The following PCDHA1 variants were observed in gnomAD, a reference collection of about 807,000 sequenced individuals.
The protein encoded by PCDHA1 is protocadherin alpha-1.
PCDHA1 carries 42 observed loss-of-function variants against 61.3 expected under a neutral mutation model. That is an observed-to-expected ratio of 0.69 (90% confidence interval 0.54 to 0.89). PCDHA1 has a LOEUF of 0.89. PCDHA1 is among the 40% of genes least tolerant of loss of function. PCDHA1 has a pLI of 0.00. For synonymous variants in PCDHA1, 610 were observed against 553.8 expected (o/e 1.10, Z -1.43); for missense variants, 1,256 against 1,235.3 (o/e 1.02, Z -0.25).
At position 140,877,517 on chromosome 5, in the gene PCDHA1, C is replaced by T. The variant is rs782271327; in HGVS notation, c.2394+88833C>T. ...CAGGCCCCAAAGACGTCGTCGCGGG[C>T]CTCAGTGGGCGCTGTGGATCCCGAA... On this transcript the variant is annotated intron_variant, in intron 1 of 3. Coordinates refer to ENST00000504120, the MANE Select transcript of PCDHA1 (RefSeq NM_018900.4). 5.6e-6 allele frequency: 9 copies of T among 1,613,766 alleles called. No homozygotes were observed. Among genetic ancestry groups the T allele is most frequent in the Non-Finnish European group, 7.6e-6 (9 of 1,179,862 alleles).
chr5:140,909,397 G>C (rs564100527), intron 1 of PCDHA1, among the ~76,000 whole-genome samples: 1 of 152,320 alleles, frequency 6.6e-6, no homozygotes, highest in East Asian at 1.9e-4. Flanking sequence ...TACAGCAGCT[G>C]CAATTGCAGT....
At chr5:140,858,173 C>G (rs782491809) in intron 1 of PCDHA1, 1 of 1,597,720 alleles carries the variant, frequency 6.3e-7, no homozygotes, top group Admixed American at 1.7e-5. Context: ...GTCCAGCTTG[C>G]TGGTGCTCAC....
intron 1 of PCDHA1, among the ~76,000 whole-genome samples, chr5:140,884,904 A>G (rs2060400953): frequency 6.6e-6 from 1 of 152,226 alleles, no homozygotes; most frequent in Non-Finnish European, 1.5e-5. Flanking sequence ...TTTCTGTTGT[A>G]TTCTTAATAG....
At chr5:140,836,003 G>A (rs1456412206) in intron 1 of PCDHA1, 1 of 1,613,210 alleles carries the variant, frequency 6.2e-7, no homozygotes, top group African/African-American at 1.3e-5. Context: ...CGCGCGATGC[G>A]GGCGTGCCGC....
intron 1 of PCDHA1, chr5:140,875,473 A>G (rs782269579): frequency 6.2e-6 from 10 of 1,606,342 alleles, no homozygotes; most frequent in Non-Finnish European, 8.5e-6. Flanking sequence ...ATTTTCTGCA[A>G]TGGTGATTAT....
In PCDHA1 at chr5:140,869,244, C is replaced by G. The variant is rs782454826; in HGVS notation, c.2394+80560C>G. 5.6e-6 allele frequency: 9 copies of G among 1,613,658 alleles called. 1 individual carries two copies. In the South Asian group the frequency reaches 7.7e-5, roughly 14 times the overall value. ...CCAAACACGGCACCTTCGTGGGCCG[C>G]ATCGCGCAGGACCTGGGGCTGGAGC... On this transcript the variant is annotated intron_variant, in intron 1 of 3. Coordinates refer to ENST00000504120, the MANE Select transcript of PCDHA1 (RefSeq NM_018900.4).
chr5:140,966,986 C>G (rs1364396774), intron 1 of PCDHA1: 1 of 1,603,766 alleles, frequency 6.2e-7, no homozygotes, highest in African/African-American at 1.3e-5. Flanking sequence ...GCGCTTGGGG[C>G]CGGGTTGCTT....
chr5:140,801,081 C>T (rs1274871111), intron 1 of PCDHA1: 12 of 1,482,502 alleles, frequency 8.1e-6, no homozygotes, highest in South Asian at 1.4e-5. Context: ...TACTGCTTTG[C>T]TTCATCCTCT....
chr5:140,878,145 A>G (rs1331184448), intron 1 of PCDHA1: 4 of 183,786 alleles, frequency 2.2e-5, no homozygotes, highest in African/African-American at 9.5e-5. Flanking sequence ...CAGATGTTTG[A>G]TAACTTAAAA....
intron 3 of PCDHA1, among the ~76,000 whole-genome samples, chr5:141,002,682 G>C (rs536105955): frequency 6.6e-6 from 1 of 152,140 alleles, no homozygotes; most frequent in African/African-American, 2.4e-5. Context: ...CCTATACGAC[G>C]TGCAGATTTG....
intron 1 of PCDHA1, chr5:140,884,558 C>T: frequency 3.7e-6 from 6 of 1,614,146 alleles, no homozygotes; most frequent in Non-Finnish European, 5.1e-6. Flanking sequence ...TGGGGAGGGC[C>T]CGCATAAGAC....
At chr5:140,846,342 C>CTTTCTCT (rs1780336698) in intron 1 of PCDHA1, among the ~76,000 whole-genome samples, 1 of 138,926 alleles carries the variant, frequency 7.2e-6, no homozygotes, top group Non-Finnish European at 1.6e-5. Flanking sequence ...TTTTAAAGTG[C>CTTTCTCT]TTTCTCTTTT....
intron 1 of PCDHA1, chr5:140,823,338 G>A (rs149205606): frequency 1.2e-6 from 2 of 1,612,230 alleles, no homozygotes; most frequent in Non-Finnish European, 1.7e-6. Context: ...CGCTGCAGCC[G>A]CTGGACCACG....
At chr5:140,852,771 G>A (rs1284369835) in intron 1 of PCDHA1, 2 of 980,778 alleles carry the variant, frequency 2.0e-6, no homozygotes, top group African/African-American at 3.5e-5. Context: ...CTGATTATTT[G>A]ATGTGAATAG....
At chr5:140,883,973 G>C (rs782157297) in intron 1 of PCDHA1, 1 of 1,612,840 alleles carries the variant, frequency 6.2e-7, no homozygotes, top group Non-Finnish European at 8.5e-7. Flanking sequence ...GCTGACGCCC[G>C]GGGCTGGCAG....
chr5:140,962,939 C>CA (rs2095722674), intron 1 of PCDHA1, among the ~76,000 whole-genome samples: 1 of 152,134 alleles, frequency 6.6e-6, no homozygotes, highest in African/African-American at 2.4e-5. Context: ...ACCTCCTCTC[C>CA]ATAAGATATG....
rs1761323943 is a variant in PCDHA1, at chr5:140,786,657, G to T, written c.367G>T (p.Val123Leu). The T allele has an allele frequency of 1.2e-6, 2 of 1,614,272 alleles. No individual in the cohort carries two copies. The highest frequency in any genetic ancestry group is 1.7e-6 in the Non-Finnish European group (2 of 1,180,044). ...GCAGGTTTTCCATGTGGAGGTGAAGGTGAAAGACATTAACGATAATCCACC... is the reference window on the plus strand; with the variant it reads ...GCAGGTTTTCCATGTGGAGGTGAAGTTGAAAGACATTAACGATAATCCACC... ...PLQVFHVEVK[V>L]KDINDNPPVF... Residue 123 changes from valine (V) to leucine (L), a missense_variant, in exon 1 of 4, where the codon GTG (valine) becomes TTG (leucine). Physicochemically the swap from Val to Leu is conservative, Grantham distance 32 (BLOSUM62 1). Coordinates refer to ENST00000504120, the MANE Select transcript of PCDHA1 (RefSeq NM_018900.4).
At chr5:141,009,257 C>T (rs1375950001) in intron 3 of PCDHA1, among the ~76,000 whole-genome samples, 1 of 152,136 alleles carries the variant, frequency 6.6e-6, no homozygotes, top group East Asian at 1.9e-4. Flanking sequence ...GTGTTTGAGA[C>T]CAGCCTGGGC....
rs138092357 is a variant in PCDHA1 at position 140,856,175 on chromosome 5, T to C, written c.2394+67491T>C. On this transcript the variant is annotated intron_variant, in intron 1 of 3. Transcript: ENST00000504120. The stretch of plus-strand genomic sequence containing the variant: ...CTACGAGGAGGCCAGACACGGCACC[T>C]TCGTGGGCCGCATCGCGCAGGACCT... The C allele has an allele frequency of 1.5e-4, 244 of 1,598,214 alleles. 13 individuals are homozygous for C. The African/African-American group carries it at 2.9e-3, about 19-fold the overall frequency.
Sources: allele counts gnomAD v4.1 joint callset (sites outside exome capture counted in the v4.1 genomes callset), GRCh38; gene constraint gnomAD v4.1.1; transcripts MANE v1.5; gene names NCBI Gene and HGNC (gene_info 2026-07-23, HGNC 2026-07-21).